Variants in KRT6C observed in about 807,000 individuals in gnomAD.
KRT6C encodes keratin 6C, also known as keratin, type II cytoskeletal 6C.
KRT6C carries 46 observed loss-of-function variants against 49.4 expected under a neutral mutation model. The observed-to-expected ratio is 0.93, with a 90% CI of 0.74 to 1.19. The LOEUF is 1.19. KRT6C is among the 50% of genes most tolerant of loss of function. KRT6C has a pLI of 0.00. For missense variants in KRT6C, 552 were observed against 737.5 expected, an observed-to-expected ratio of 0.75 and a Z score of 2.91; for synonymous variants, 236 against 297.1, an observed-to-expected ratio of 0.79 and a Z score of 2.12.
In KRT6C at chr12:52,470,984, C is replaced by G. The variant is rs115987841; in HGVS notation, c.1077+148G>C. On this transcript the variant is annotated intron_variant, in intron 5 of 8. Transcript: ENST00000252250. ...CCTCCTTGACTTGCACATAAGTTCC[C>G]CAAATGTCTACTCTAATAGTGCAGA... 9,361 of 1,426,832 alleles carry G rather than the reference C, an allele frequency of 6.6e-3. 341 individuals are homozygous for G. In the African/African-American group the frequency reaches 0.096, roughly 15 times the overall value. 88.4% of individuals were successfully genotyped at this position (1,426,832 alleles called of 1,614,324 possible). A position where few individuals can be genotyped will look rare whatever the true frequency, so the allele number is the denominator to read the frequency against.
rs1210104946 is a variant in KRT6C, at chr12:52,472,472, G to T, written c.541-192C>A. Among the ~76,000 whole-genome samples, 2 of 135,128 alleles carry T rather than the reference G, an allele frequency of 1.5e-5. 1 individual carries two copies. The highest frequency in any genetic ancestry group is 4.9e-5 in the African/African-American group (2 of 40,652). 88.6% of individuals were successfully genotyped at this position (135,128 alleles called of 152,430 possible). The stretch of plus-strand genomic sequence containing the variant: ...CCCCACCAGTCTCACTAGAGAAATT[G>T]TCCCATGGACCATTGAGGTGTTCTC... On this transcript the variant is annotated intron_variant, in intron 1 of 8. Coordinates refer to ENST00000252250, the MANE Select transcript of KRT6C (RefSeq NM_173086.5).
chr12:52,468,901 G>A lies in KRT6C; in HGVS notation c.*161C>T. ...AGCAATGGGTGCTCAGATGGGGCAG[G>A]TATAGACAGAGAGAAGTGAGGGCAC... On this transcript the variant is annotated 3_prime_UTR_variant, in exon 9 of 9. Coordinates refer to ENST00000252250, the MANE Select transcript of KRT6C (RefSeq NM_173086.5). 1.2e-6 allele frequency: 1 copy of A among 827,984 alleles called. No individual in the cohort carries two copies. Among genetic ancestry groups the A allele is most frequent in the Non-Finnish European group, 1.9e-6 (1 of 520,356 alleles). The allele number at this position is 827,984 out of a possible 1,614,324, so 51.3% of individuals were successfully genotyped here. A position where few individuals can be genotyped will look rare whatever the true frequency, so the allele number is the denominator to read the frequency against.
In KRT6C at chr12:52,471,163, C is replaced by G. The variant is rs199836454; in HGVS notation, c.1046G>C (p.Arg349Pro). The G allele has an allele frequency of 1.9e-6, 3 of 1,614,152 alleles. No individual in the cohort carries two copies. Among genetic ancestry groups the G allele is most frequent in the Non-Finnish European group, 2.5e-6 (3 of 1,180,022 alleles). Residue 349 changes from arginine to proline, a missense_variant, in exon 5 of 9, where the codon CGG (arginine) becomes CCG (proline). This residue lies in a region of KRT6C where 425 missense variants were observed against 439.4 expected (regional missense o/e 0.97). Coordinates refer to ENST00000252250, the MANE Select transcript of KRT6C (RefSeq NM_173086.5). ...CTGGTACCAGGACTCAGCCTCAGCCCGGCTCCTCTGAGCAATCTCCTCGTA... is the reference window on the plus strand; with the variant it reads ...CTGGTACCAGGACTCAGCCTCAGCCGGGCTCCTCTGAGCAATCTCCTCGTA... ...AQYEEIAQRSRAEAESWYQTK... is the reference protein window; with the variant it reads ...AQYEEIAQRSPAEAESWYQTK...
At position 52,470,574 on chromosome 12, in the gene KRT6C, C is replaced by T; in HGVS notation, c.1134G>A (p.Lys378=). ...GRHGDDLRNT[K]QEIAEINRMI... ...TGCGGTTGATCTCAGCAATCTCCTG[C>T]TTGGTGTTGCGCAGGTCGTCCCCAT... Residue 378 remains lysine (K), a synonymous_variant, in exon 6 of 9, where the codon AAG becomes AAA. Transcript: ENST00000252250. The T allele has an allele frequency of 6.2e-7, 1 of 1,614,076 alleles. No individual in the cohort carries two copies. Among genetic ancestry groups the T allele is most frequent in the Non-Finnish European group, 8.5e-7 (1 of 1,180,036 alleles).
intron 6 of KRT6C, 166 bp downstream of exon 6, chr12:52,470,339 G>A: frequency 1.6e-6 from 2 of 1,259,824 alleles, no homozygotes; most frequent in Non-Finnish European, 2.3e-6. Context: ...ATCCTCTTGG[G>A]TGGGATTCAC....
chr12:52,473,160 C>G (rs769838929), intron 1 of KRT6C, 38 bp downstream of exon 1: 1 of 1,397,950 alleles, frequency 7.2e-7, no homozygotes. Context: ...GGTCTGGGGA[C>G]CCTGAAGTGC....
chr12:52,473,484 C>G lies in KRT6C; in HGVS notation c.254G>C (p.Ser85Thr). ...GSCAISGGYG[S>T]RAGGSYGFGG... Reference sequence around the variant, plus strand: ...AAAGCCATAGCTGCCTCCGGCTCTGCTGCCATAGCCGCCACTGATGGCACA... The same window carrying G: ...AAAGCCATAGCTGCCTCCGGCTCTGGTGCCATAGCCGCCACTGATGGCACA... Residue 85 changes from serine to threonine, a missense_variant, in exon 1 of 9, where the codon AGC becomes ACC. By Grantham distance (58) the Ser-to-Thr change is moderately conservative (BLOSUM62 1). Around this residue, in one of 3 missense-constraint regions of KRT6C, gnomAD observed 54 missense variants for 195.9 expected, o/e 0.28. Transcript: ENST00000252250. 1.4e-6 allele frequency: 2 copies of G among 1,454,646 alleles called. No homozygotes were observed. The highest frequency in any genetic ancestry group is 1.9e-6 in the Non-Finnish European group (2 of 1,057,492). 90.1% of individuals were successfully genotyped at this position (1,454,646 alleles called of 1,614,324 possible). A position where few individuals can be genotyped will look rare whatever the true frequency, so the allele number is the denominator to read the frequency against.
rs771618302 is a variant in KRT6C, at chr12:52,472,127, G to C, written c.694C>G (p.Arg232Gly). 3 of 1,576,898 alleles carry C rather than the reference G, an allele frequency of 1.9e-6. No homozygotes were observed. The highest frequency in any genetic ancestry group is 2.6e-6 in the Non-Finnish European group (3 of 1,154,242). The stretch of plus-strand genomic sequence containing the variant: ...CTCAGCTCCGAGTCCAGGCGGCCCC[G>C]TTCCCCGACGATGCTGTCCAGCTGC... ...RRQLDSIVGE[R>G]GRLDSELRNM... Residue 232 changes from arginine to glycine, a missense_variant, in exon 2 of 9, where the codon CGG becomes GGG. This residue lies in a region of KRT6C where 425 missense variants were observed against 439.4 expected (regional missense o/e 0.97). Transcript: ENST00000252250.
intron 1 of KRT6C, among the ~76,000 whole-genome samples, chr12:52,472,753 T>C (rs1237923961): frequency 7.3e-6 from 1 of 137,248 alleles, no homozygotes; most frequent in Non-Finnish European, 1.7e-5. Context: ...TTAGCATTTA[T>C]CCATGTTTTA....
intron 6 of KRT6C, 62 bp from the exon 7 acceptor site, chr12:52,469,952 G>A (rs1356532165): frequency 6.3e-7 from 1 of 1,591,454 alleles, no homozygotes; most frequent in African/African-American, 1.3e-5. Flanking sequence ...GCTGGCCCTT[G>A]TTTAGTGAAC....
Position 52,470,457 on chromosome 12 carries a change from G to A in KRT6C, c.1203+48C>T, listed in dbSNP as rs372941314. On this transcript the variant is annotated intron_variant, in intron 6 of 8. Coordinates refer to ENST00000252250, the MANE Select transcript of KRT6C (RefSeq NM_173086.5). ...AATAATGGCTAATGACTGCCTGATG[G>A]GTCTAGCAAAAAATGATGCTTCTTT... 7.4e-6 allele frequency: 12 copies of A among 1,613,784 alleles called. No individual in the cohort carries two copies. In the African/African-American group the frequency reaches 1.6e-4, roughly 22 times the overall value.
chr12:52,469,569 G>A, intron 7 of KRT6C, 101 bp downstream of exon 7: 1 of 1,612,738 alleles, frequency 6.2e-7, no homozygotes, highest in Non-Finnish European at 8.5e-7. Context: ...CTCTCAAGAA[G>A]AGCAATTACG....
At chr12:52,470,412 A>G (rs1937854408) in intron 6 of KRT6C, 93 bp downstream of exon 6, 1 of 1,607,440 alleles carries the variant, frequency 6.2e-7, no homozygotes, top group Non-Finnish European at 8.5e-7. Context: ...GTGTTGGTTT[A>G]CGTTTCAGGA....
intron 6 of KRT6C, 98 bp downstream of exon 6, chr12:52,470,407 G>C: frequency 6.2e-7 from 1 of 1,600,774 alleles, no homozygotes; most frequent in South Asian, 1.1e-5. Flanking sequence ...CCCTAGTGTT[G>C]GTTTACGTTT....
Position 52,468,867 on chromosome 12 carries a change from C to G in KRT6C, c.*195G>C, listed in dbSNP as rs1937818978. On this transcript the variant is annotated 3_prime_UTR_variant, in exon 9 of 9. Transcript: ENST00000252250. ...TTATGATGTAAAATCAAAGGTTGATCTGATGGTGAGCAATGGGTGCTCAGA... is the reference window on the plus strand; with the variant it reads ...TTATGATGTAAAATCAAAGGTTGATGTGATGGTGAGCAATGGGTGCTCAGA... 1 of 643,160 alleles carries G rather than the reference C, an allele frequency of 1.6e-6. No individual in the cohort carries two copies. Among genetic ancestry groups the G allele is most frequent in the East Asian group, 2.7e-5 (1 of 36,490 alleles). 39.8% of individuals were successfully genotyped at this position (643,160 alleles called of 1,614,324 possible). A position where few individuals can be genotyped will look rare whatever the true frequency, so the allele number is the denominator to read the frequency against.
Position 52,473,786 on chromosome 12 carries a change from A to G in KRT6C, c.-49T>C, listed in dbSNP as rs766094275. On this transcript the variant is annotated 5_prime_UTR_variant, in exon 1 of 9. Transcript: ENST00000252250. ...TGGCGAGCGTTGGAGGCTGGAGGCGAGAGGCAGGAGAAGCAGGACAAGGAA... is the reference window on the plus strand; with the variant it reads ...TGGCGAGCGTTGGAGGCTGGAGGCGGGAGGCAGGAGAAGCAGGACAAGGAA... 1 of 1,613,474 alleles carries G rather than the reference A, an allele frequency of 6.2e-7. No individual in the cohort carries two copies. Among genetic ancestry groups the G allele is most frequent in the South Asian group, 1.1e-5 (1 of 90,998 alleles).
rs1339536825 is a variant in KRT6C at position 52,470,284 on chromosome 12, T to A, written c.1203+221A>T. 4 of 744,164 alleles carry A rather than the reference T, an allele frequency of 5.4e-6. No homozygotes were observed. The African/African-American group carries it at 7.0e-5, about 13-fold the overall frequency. The allele number at this position is 744,164 out of a possible 1,614,324, so 46.1% of individuals were successfully genotyped here. On this transcript the variant is annotated intron_variant, in intron 6 of 8. Coordinates refer to ENST00000252250, the MANE Select transcript of KRT6C (RefSeq NM_173086.5). ...CATCTGTAGGGGAGGTGGTAACTTT[T>A]TACCTGACTGTTGAGACCTGGCCTT...
chr12:52,470,458 G>T (rs750833226), intron 6 of KRT6C, 47 bp downstream of exon 6: 2 of 1,613,972 alleles, frequency 1.2e-6, no homozygotes, highest in Non-Finnish European at 1.7e-6. Flanking sequence ...TGCCTGATGG[G>T]TCTAGCAAAA....
At chr12:52,470,235 C>T in intron 6 of KRT6C, 1 of 608,852 alleles carries the variant, frequency 1.6e-6, no homozygotes, top group South Asian at 2.0e-5. Flanking sequence ...CTGGATGCCA[C>T]ATTAAAATAT....
Sources: gnomAD v4.1 joint callset for allele counts (sites outside exome capture counted in the v4.1 genomes callset) on GRCh38, gnomAD v4.1.1 for gene constraint, gnomAD v4.1.1 regional missense constraint, MANE v1.5 for transcripts, NCBI Gene and HGNC (gene_info 2026-07-23, HGNC 2026-07-21) for gene names.